TNKS: variants seen among roughly 807,000 people sequenced by gnomAD.
The protein encoded by TNKS is tankyrase.
TNKS carries 72 observed loss-of-function variants against 135.8 expected under a neutral mutation model. That is an observed-to-expected ratio of 0.53 (90% CI 0.44 to 0.64). The LOEUF is 0.64. Among genes scored for constraint, TNKS ranks in the 30% least tolerant of loss-of-function variants. TNKS has a pLI of 0.00. For synonymous variants in TNKS, 849 were observed against 649.3 expected, an observed-to-expected ratio of 1.31 and a Z score of -4.68; for missense variants, 1,769 against 1,674.0, an observed-to-expected ratio of 1.06 and a Z score of -0.99.
In TNKS at chr8:9,778,556, C is replaced by G. The variant is rs532475015; in HGVS notation, c.*1820C>G. The G allele has an allele frequency of 1.3e-5, 2 of 152,708 alleles. No homozygotes were observed. The highest frequency in any genetic ancestry group is 4.8e-5 in the African/African-American group (2 of 41,566). The allele number at this position is 152,708 out of a possible 1,614,324, so 9.5% of individuals were successfully genotyped here. A position where few individuals can be genotyped will look rare whatever the true frequency, so the allele number is the denominator to read the frequency against. ...CCTCAAAATTAAATCGAGAATTAGC[C>G]TCAGTTGTTGCTTCTTTTGAAGTTT... On this transcript the variant is annotated 3_prime_UTR_variant, in exon 27 of 27. Transcript: ENST00000310430.
intron 1 of TNKS, among the ~76,000 whole-genome samples, chr8:9,579,570 G>A (rs1373138427): frequency 6.6e-6 from 1 of 152,162 alleles, no homozygotes; most frequent in East Asian, 1.9e-4. Flanking sequence ...CCAGGTTCAA[G>A]CGATTCTCGT....
chr8:9,612,907 A>G (rs1799515562), intron 2 of TNKS, among the ~76,000 whole-genome samples: 1 of 152,214 alleles, frequency 6.6e-6, no homozygotes, highest in African/African-American at 2.4e-5. Context: ...CAAGCTAGAG[A>G]AAAGAAAACA....
At chr8:9,679,456 G>C (rs574909282) in intron 3 of TNKS, among the ~76,000 whole-genome samples, 1 of 152,050 alleles carries the variant, frequency 6.6e-6, no homozygotes, top group Middle Eastern at 3.2e-3. Context: ...CTGCTATAAA[G>C]CTCAACAATA....
intron 2 of TNKS, 36 bp downstream of exon 2, chr8:9,580,419 A>C (rs763929456): frequency 7.6e-6 from 12 of 1,586,050 alleles, no homozygotes; most frequent in Non-Finnish European, 1.0e-5. Flanking sequence ...ATTTTAAATA[A>C]AGGTTTATTC....
intron 26 of TNKS, chr8:9,772,279 A>T: frequency 2.4e-6 from 1 of 424,540 alleles, no homozygotes; most frequent in Middle Eastern, 3.4e-4. Context: ...AGGAGTAATT[A>T]TATATTGGAG....
rs1469798590 is a variant in TNKS at position 9,556,661 on chromosome 8, G to A, written c.673+49G>A. 5 of 1,603,996 alleles carry A rather than the reference G, an allele frequency of 3.1e-6. No individual in the cohort carries two copies. The East Asian group carries it at 1.1e-4, about 36-fold the overall frequency. ...TTAAGGGTTATGGGTTTGGGTGCAG[G>A]GTCCGGTTAGGACAAGAAAACAGGT... On this transcript the variant is annotated intron_variant, in intron 1 of 26. Transcript: ENST00000310430.
intron 3 of TNKS, among the ~76,000 whole-genome samples, chr8:9,669,349 C>T (rs1196393268): frequency 2.1e-5 from 3 of 145,974 alleles, no homozygotes; most frequent in South Asian, 2.2e-4. Context: ...ACCCGGGAAG[C>T]GGAGCTTGCA....
chr8:9,582,776 T>C (rs1260248997), intron 2 of TNKS, among the ~76,000 whole-genome samples: 3 of 152,198 alleles, frequency 2.0e-5, no homozygotes, highest in African/African-American at 7.2e-5. Flanking sequence ...TAATTACTAT[T>C]ATTATTGTTG....
chr8:9,654,391 T>C (rs1801266515), intron 3 of TNKS, among the ~76,000 whole-genome samples: 1 of 151,946 alleles, frequency 6.6e-6, no homozygotes, highest in Non-Finnish European at 1.5e-5. Flanking sequence ...AACATGCTTT[T>C]ACAAAAAAAA....
chr8:9,607,918 A>G (rs140545302), intron 2 of TNKS, among the ~76,000 whole-genome samples: 152 of 152,248 alleles, frequency 1.0e-3, no homozygotes, highest in African/African-American at 3.5e-3. Flanking sequence ...TCACTAATAG[A>G]TGTTGATGAC....
chr8:9,644,607 G>C (rs1461377630), intron 3 of TNKS, among the ~76,000 whole-genome samples: 1 of 152,098 alleles, frequency 6.6e-6, no homozygotes, highest in South Asian at 2.1e-4. Flanking sequence ...AGTTTCTAGT[G>C]GCTGGCATAA....
intron 26 of TNKS, among the ~76,000 whole-genome samples, chr8:9,771,186 G>A (rs946622286): frequency 4.1e-5 from 6 of 146,464 alleles, no homozygotes; most frequent in African/African-American, 1.5e-4. Flanking sequence ...GAGAAGAGAG[G>A]AAGGAAGGAA....
chr8:9,653,810 C>G (rs1405574711), intron 3 of TNKS, among the ~76,000 whole-genome samples: 1 of 152,190 alleles, frequency 6.6e-6, no homozygotes, highest in East Asian at 1.9e-4. Flanking sequence ...TTTCTTTCTG[C>G]TGGCTCCCCT....
chr8:9,777,532 G>A lies in TNKS; in HGVS notation c.*796G>A, dbSNP rs1032510061. On this transcript the variant is annotated 3_prime_UTR_variant, in exon 27 of 27. Coordinates refer to ENST00000310430, the MANE Select transcript of TNKS (RefSeq NM_003747.3). ...AGGCCACTTGCTCTTTCCAACACAAGCCTGCCACAGAGGTCTTCGGGACAG... is the reference window on the plus strand; with the variant it reads ...AGGCCACTTGCTCTTTCCAACACAAACCTGCCACAGAGGTCTTCGGGACAG... The A allele has an allele frequency of 1.8e-4, 28 of 152,178 alleles. No individual in the cohort carries two copies. Among genetic ancestry groups the A allele is most frequent in the African/African-American group, 6.0e-4 (25 of 41,438 alleles). 9.4% of individuals were successfully genotyped at this position (152,178 alleles called of 1,614,324 possible). A position where few individuals can be genotyped will look rare whatever the true frequency, so the allele number is the denominator to read the frequency against.
intron 5 of TNKS, among the ~76,000 whole-genome samples, chr8:9,682,146 T>C (rs1443434619): frequency 4.6e-5 from 7 of 152,164 alleles, no homozygotes. Flanking sequence ...ATTCTCCAAG[T>C]AGATAAAGTG....
At chr8:9,704,026 T>G (rs1203246514) in intron 5 of TNKS, among the ~76,000 whole-genome samples, 1 of 152,234 alleles carries the variant, frequency 6.6e-6, no homozygotes, top group Non-Finnish European at 1.5e-5. Context: ...GTCTTTACAC[T>G]GTGTATGTGG....
In TNKS at chr8:9,778,166, G is replaced by C. The variant is rs1171099982; in HGVS notation, c.*1430G>C. 6.6e-6 allele frequency: 1 copy of C among 152,436 alleles called. No homozygotes were observed. Among genetic ancestry groups the C allele is most frequent in the Non-Finnish European group, 1.5e-5 (1 of 68,006 alleles). 9.4% of individuals were successfully genotyped at this position (152,436 alleles called of 1,614,324 possible). A position where few individuals can be genotyped will look rare whatever the true frequency, so the allele number is the denominator to read the frequency against. On this transcript the variant is annotated 3_prime_UTR_variant, in exon 27 of 27. Coordinates refer to ENST00000310430, the MANE Select transcript of TNKS (RefSeq NM_003747.3). ...TTATAAAAAAAAATGATCCTTTATA[G>C]TTCTTACACTTGCCCTTTTCACCTT... is the stretch of plus-strand genomic sequence containing the variant.
intron 5 of TNKS, among the ~76,000 whole-genome samples, chr8:9,688,918 G>C (rs966515436): frequency 1.3e-5 from 2 of 152,084 alleles, no homozygotes; most frequent in Admixed American, 6.6e-5. Flanking sequence ...TGGGATTACA[G>C]GCGTGAGCCA....
chr8:9,661,114 C>T (rs1276204397), intron 3 of TNKS, among the ~76,000 whole-genome samples: 6 of 152,032 alleles, frequency 3.9e-5, no homozygotes, highest in Non-Finnish European at 8.8e-5. Flanking sequence ...ACATTCCATG[C>T]TCATGGGTAG....
Sources: allele counts gnomAD v4.1 joint callset (sites outside exome capture counted in the v4.1 genomes callset), GRCh38; gene constraint gnomAD v4.1.1; transcripts MANE v1.5; gene names NCBI Gene and HGNC (gene_info 2026-07-23, HGNC 2026-07-21).